Variants in PELI2 observed in about 807,000 individuals in gnomAD.
PELI2 encodes the protein pellino E3 ubiquitin protein ligase family member 2.
PELI2 carries 23 observed loss-of-function variants against 42.3 expected under a neutral mutation model. The ratio of observed to expected loss-of-function variants is 0.54; its 90% CI spans 0.39 to 0.77. The LOEUF is 0.77. PELI2 is among the 30% of genes least tolerant of loss of function. The pLI, the probability that PELI2 is intolerant of heterozygous loss-of-function variation, is 0.00. For synonymous variants in PELI2, 245 were observed against 212.2 expected, an observed-to-expected ratio of 1.15 and a Z score of -1.34; for missense variants, 463 against 553.2, an observed-to-expected ratio of 0.84 and a Z score of 1.64.
intron 3 of PELI2, among the ~76,000 whole-genome samples, chr14:56,282,092 C>A (rs891281135): frequency 6.6e-6 from 1 of 152,062 alleles, no homozygotes; most frequent in Non-Finnish European, 1.5e-5. Context: ...ACATGCGCAA[C>A]GCCATTTGTA....
chr14:56,183,168 A>G (rs1885648381), intron 2 of PELI2, among the ~76,000 whole-genome samples: 1 of 152,190 alleles, frequency 6.6e-6, no homozygotes, highest in Non-Finnish European at 1.5e-5. Context: ...TAAAGAGGCA[A>G]TGAAGTTTGG....
At chr14:56,213,022 T>C (rs1318424256) in intron 2 of PELI2, among the ~76,000 whole-genome samples, 1 of 152,224 alleles carries the variant, frequency 6.6e-6, no homozygotes, top group Non-Finnish European at 1.5e-5. Flanking sequence ...TAGAAGTGGA[T>C]GGCAGGGGCC....
chr14:56,216,590 C>T lies in PELI2; in HGVS notation c.207+38126C>T, dbSNP rs1013138278. ...TTCTAACTCTCTTATTTGCAGTGAC[C>T]GAGTTTTCATACATTTGATGATAGT... On this transcript the variant is annotated intron_variant, in intron 2 of 5. Coordinates refer to ENST00000267460, the MANE Select transcript of PELI2 (RefSeq NM_021255.3). Among the ~76,000 whole-genome samples, 10 of 152,166 alleles carry T rather than the reference C, an allele frequency of 6.6e-5. 1 individual carries two copies. In the East Asian group the frequency reaches 1.9e-3, roughly 29 times the overall value.
intron 1 of PELI2, among the ~76,000 whole-genome samples, chr14:56,151,762 T>C (rs1034220967): frequency 6.6e-6 from 1 of 152,214 alleles, no homozygotes. Flanking sequence ...GGACTAAAGC[T>C]GAGAAACAAG....
At chr14:56,223,584 A>C (rs1435000177) in intron 2 of PELI2, among the ~76,000 whole-genome samples, 2 of 152,244 alleles carry the variant, frequency 1.3e-5, no homozygotes, top group Admixed American at 1.3e-4. Flanking sequence ...ATATGAAAGC[A>C]GATGTAGAGA....
intron 1 of PELI2, among the ~76,000 whole-genome samples, chr14:56,169,658 T>G (rs1271740385): frequency 6.6e-6 from 1 of 152,218 alleles, no homozygotes; most frequent in Admixed American, 6.5e-5. Context: ...GTATTATCAG[T>G]GCTTACTTGA....
chr14:56,281,250 A>C lies in PELI2; in HGVS notation c.309+1473A>C, dbSNP rs1566681966. 2.0e-5 allele frequency among the ~76,000 whole-genome samples: 3 copies of C among 152,160 alleles called. 1 individual carries two copies. The South Asian group carries it at 6.2e-4, about 31-fold the overall frequency. On this transcript the variant is annotated intron_variant, in intron 3 of 5. Transcript: ENST00000267460. ...TTGTAGTGTTGTATATACTAGTAAAAAACTAAAAATAAACCTATACTTCCA... is the reference window on the plus strand; with the variant it reads ...TTGTAGTGTTGTATATACTAGTAAACAACTAAAAATAAACCTATACTTCCA...
intron 2 of PELI2, among the ~76,000 whole-genome samples, chr14:56,263,286 A>G (rs1888783587): frequency 6.6e-6 from 1 of 152,080 alleles, no homozygotes; most frequent in Non-Finnish European, 1.5e-5. Flanking sequence ...TCTTTACCCC[A>G]CATTTCTTTT....
intron 2 of PELI2, among the ~76,000 whole-genome samples, chr14:56,234,473 CCAT>C (rs927705976): frequency 2.6e-5 from 4 of 152,058 alleles, no homozygotes; most frequent in Non-Finnish European, 4.4e-5. Flanking sequence ...AAGCTGGAAA[CCAT>C]CATTCTGAGC....
chr14:56,154,224 T>C (rs1332450691), intron 1 of PELI2, among the ~76,000 whole-genome samples: 1 of 152,226 alleles, frequency 6.6e-6, no homozygotes, highest in African/African-American at 2.4e-5. Flanking sequence ...TACATAATTT[T>C]TTCATTGGTA....
chr14:56,202,144 G>A lies in PELI2; in HGVS notation c.207+23680G>A, dbSNP rs569184964. ...ACCAACTTAAAATTATCCATCTGGG[G>A]CCATAGAAGGTATTTGTTGTTGTTG... is the stretch of plus-strand genomic sequence containing the variant. On this transcript the variant is annotated intron_variant, in intron 2 of 5. Transcript: ENST00000267460. Among the ~76,000 whole-genome samples the A allele has an allele frequency of 7.3e-4, 111 of 152,250 alleles. 2 individuals are homozygous for A. Among genetic ancestry groups the A allele is most frequent in the Admixed American group, 1.1e-3 (17 of 15,300 alleles).
chr14:56,183,371 C>A (rs1211856276), intron 2 of PELI2, among the ~76,000 whole-genome samples: 1 of 152,060 alleles, frequency 6.6e-6, no homozygotes, highest in African/African-American at 2.4e-5. Context: ...AAACATAAAT[C>A]ATTTTCCAAA....
intron 3 of PELI2, among the ~76,000 whole-genome samples, chr14:56,285,657 TG>T (rs1428897102): frequency 2.6e-5 from 4 of 152,156 alleles, no homozygotes; most frequent in Admixed American, 6.5e-5. Flanking sequence ...AGCAATATAT[TG>T]ATTTTTGGAA....
At chr14:56,207,985 C>A (rs2139721761) in intron 2 of PELI2, among the ~76,000 whole-genome samples, 1 of 152,376 alleles carries the variant, frequency 6.6e-6, no homozygotes, top group South Asian at 2.1e-4. Flanking sequence ...AAACTCTAAT[C>A]TTTTCCAGAC....
intron 1 of PELI2, among the ~76,000 whole-genome samples, chr14:56,131,825 C>G (rs1883495468): frequency 6.6e-6 from 1 of 152,180 alleles, no homozygotes; most frequent in Admixed American, 6.5e-5. Context: ...ATAAAGCATA[C>G]AGACTTGGTG....
chr14:56,123,575 C>T (rs1466098986), intron 1 of PELI2, among the ~76,000 whole-genome samples: 1 of 152,034 alleles, frequency 6.6e-6, no homozygotes, highest in East Asian at 1.9e-4. Context: ...ATGTGGCTGT[C>T]TGTGTTGCTG....
chr14:56,194,101 G>C (rs970452369), intron 2 of PELI2, among the ~76,000 whole-genome samples: 1 of 152,162 alleles, frequency 6.6e-6, no homozygotes, highest in Admixed American at 6.5e-5. Context: ...TTATGGACTT[G>C]TACGTCGTAG....
intron 2 of PELI2, among the ~76,000 whole-genome samples, chr14:56,257,521 A>G (rs1393225058): frequency 2.0e-5 from 3 of 148,990 alleles, no homozygotes; most frequent in Non-Finnish European, 4.4e-5. Flanking sequence ...CTTTCTATAT[A>G]TATATGTATC....
chr14:56,223,427 G>T (rs1466033528), intron 2 of PELI2, among the ~76,000 whole-genome samples: 1 of 152,072 alleles, frequency 6.6e-6, no homozygotes, highest in Non-Finnish European at 1.5e-5. Flanking sequence ...GTAGTATTCA[G>T]CCCATAGGTG....
Sources: allele counts gnomAD v4.1 joint callset (sites outside exome capture counted in the v4.1 genomes callset), GRCh38; gene constraint gnomAD v4.1.1; transcripts MANE v1.5; gene names NCBI Gene and HGNC (gene_info 2026-07-23, HGNC 2026-07-21).